The following RASGEF1A variants were observed in gnomAD, a reference collection of about 807,000 sequenced individuals.
The protein encoded by RASGEF1A is ras-GEF domain-containing family member 1A.
A neutral mutation model predicts 56.4 loss-of-function variants in RASGEF1A; 18 were observed. That is an observed-to-expected ratio of 0.32 (90% CI 0.22 to 0.47). The LOEUF (loss-of-function observed/expected upper bound fraction) is 0.47. Among genes scored for constraint, RASGEF1A ranks in the 20% least tolerant of loss-of-function variants. The probability of loss-of-function intolerance (pLI) is 1.00; values close to 1 mark genes in which losing one functional copy is unlikely to be tolerated. For missense variants in RASGEF1A, 422 were observed against 627.1 expected (o/e 0.67, Z 3.49); for synonymous variants, 245 against 242.6 (o/e 1.01, Z -0.09).
In RASGEF1A at chr10:43,263,045, G is replaced by A. The variant is rs765285566; in HGVS notation, c.-7+3800C>T. Among the ~76,000 whole-genome samples, 58 of 152,278 alleles carry A rather than the reference G, an allele frequency of 3.8e-4. 1 individual carries two copies. Among genetic ancestry groups the A allele is most frequent in the South Asian group, 2.5e-3 (12 of 4,822 alleles). On this transcript the variant is annotated intron_variant, in intron 1 of 12. Coordinates refer to ENST00000395810, the MANE Select transcript of RASGEF1A (RefSeq NM_145313.4). ...GTTCAGGGGCGTGATGATGTGCATC[G>A]TCACCCGGGAGGCGTCCAGCAGGCT...
At chr10:43,225,767 A>G (rs1387001006) in intron 1 of RASGEF1A, among the ~76,000 whole-genome samples, 1 of 152,140 alleles carries the variant, frequency 6.6e-6, no homozygotes, top group East Asian at 1.9e-4. Context: ...CTCTAGGAAC[A>G]TGCCAGTCCC....
chr10:43,214,794 A>G (rs1036492594), intron 1 of RASGEF1A, among the ~76,000 whole-genome samples: 1 of 152,160 alleles, frequency 6.6e-6, no homozygotes, highest in Non-Finnish European at 1.5e-5. Flanking sequence ...GCTTTGCTTT[A>G]AGTGTGCATC....
intron 1 of RASGEF1A, among the ~76,000 whole-genome samples, chr10:43,210,219 C>A (rs537823407): frequency 2.6e-5 from 4 of 152,176 alleles, no homozygotes; most frequent in Non-Finnish European, 5.9e-5. Flanking sequence ...TGCCTGTAAT[C>A]CCAGCACTTT....
intron 1 of RASGEF1A, among the ~76,000 whole-genome samples, chr10:43,265,088 C>A (rs542406122): frequency 6.6e-6 from 1 of 152,124 alleles, no homozygotes; most frequent in Non-Finnish European, 1.5e-5. Context: ...CCACTGTGTG[C>A]GTGGCTCTCC....
intron 3 of RASGEF1A, 139 bp downstream of exon 3, chr10:43,203,159 G>T: frequency 3.6e-6 from 1 of 278,574 alleles, no homozygotes; most frequent in Non-Finnish European, 5.9e-6. Flanking sequence ...CACAGTCCCA[G>T]CCAGGCCAAG....
intron 1 of RASGEF1A, among the ~76,000 whole-genome samples, chr10:43,232,174 T>C (rs886741983): frequency 2.0e-5 from 3 of 152,194 alleles, no homozygotes; most frequent in African/African-American, 7.2e-5. Flanking sequence ...ATCCCCAGTG[T>C]TGGAGGTTGG....
rs905964959 is a variant in RASGEF1A at position 43,229,793 on chromosome 10, C to T, written c.-6-23671G>A. 9 of 1,244,858 alleles carry T rather than the reference C, an allele frequency of 7.2e-6. No homozygotes were observed. The South Asian group carries it at 1.6e-4, about 22-fold the overall frequency. 77.1% of individuals were successfully genotyped at this position (1,244,858 alleles called of 1,614,324 possible). ...CGCCTCCGCTGGAGGGGTGGGACCC[C>T]GGAAGCAGGGAACCGAGGGGCTGGG... is the stretch of plus-strand genomic sequence containing the variant. On this transcript the variant is annotated intron_variant, in intron 1 of 12. Transcript: ENST00000395810.
At chr10:43,227,386 G>A (rs1275978957) in intron 1 of RASGEF1A, among the ~76,000 whole-genome samples, 1 of 146,320 alleles carries the variant, frequency 6.8e-6, no homozygotes, top group Non-Finnish European at 1.5e-5. Context: ...TCCTGGCCAG[G>A]CCTGGACCCC....
In RASGEF1A at chr10:43,196,390, G is replaced by T; in HGVS notation, c.1421+86C>A. On this transcript the variant is annotated intron_variant, in intron 12 of 12. Coordinates refer to ENST00000395810, the MANE Select transcript of RASGEF1A (RefSeq NM_145313.4). The surrounding 1 kb of genome is among the most constrained non-coding windows in gnomAD (Gnocchi z 4.6). ...GGACCAGGGACGCGGCAGTGCCCAG[G>T]CTCCCTTTCCAGGAGGGTAACCCTC... The T allele has an allele frequency of 6.4e-7, 1 of 1,551,948 alleles. No individual in the cohort carries two copies.
rs1840312664 is a variant in RASGEF1A, at chr10:43,228,503, T to A, written c.-6-22381A>T. Among the ~76,000 whole-genome samples, 3 of 152,100 alleles carry A rather than the reference T, an allele frequency of 2.0e-5. No homozygotes were observed. The South Asian group carries it at 6.2e-4, about 32-fold the overall frequency. On this transcript the variant is annotated intron_variant, in intron 1 of 12. Coordinates refer to ENST00000395810, the MANE Select transcript of RASGEF1A (RefSeq NM_145313.4). ...GCATTTAAATGCCAGTGCAGGGCCC[T>A]CCCCACTCCCCTACTATGTGACCCC...
intron 1 of RASGEF1A, chr10:43,229,577 A>G (rs1337234358): frequency 7.1e-7 from 1 of 1,399,052 alleles, no homozygotes; most frequent in South Asian, 1.3e-5. Context: ...ACCCCTCCCG[A>G]GCCCGACAGC....
intron 1 of RASGEF1A, among the ~76,000 whole-genome samples, chr10:43,210,320 A>G (rs1006055629): frequency 6.6e-6 from 1 of 152,102 alleles, no homozygotes; most frequent in Non-Finnish European, 1.5e-5. Context: ...ACATTCAAAA[A>G]AAAATTAGCC....
At position 43,258,551 on chromosome 10, in the gene RASGEF1A, G is replaced by A. The variant is rs151301616; in HGVS notation, c.-7+8294C>T. Among the ~76,000 whole-genome samples the A allele has an allele frequency of 1.4e-3, 216 of 152,362 alleles. 1 individual carries two copies. The Middle Eastern group carries it at 0.031, about 22-fold the overall frequency. On this transcript the variant is annotated intron_variant, in intron 1 of 12. Transcript: ENST00000395810. ...GGCAAAGCTGCAGGCCACAGCAGGC[G>A]GCTGGCCCCTTGGGACGAGGAGAGC...
chr10:43,250,211 G>C (rs1244663075), intron 1 of RASGEF1A, among the ~76,000 whole-genome samples: 2 of 152,224 alleles, frequency 1.3e-5, no homozygotes, highest in Non-Finnish European at 2.9e-5. Flanking sequence ...CTATGGAGGA[G>C]CGCTGCCTGG....
intron 1 of RASGEF1A, among the ~76,000 whole-genome samples, chr10:43,256,436 G>A (rs1836406807): frequency 6.6e-6 from 1 of 152,132 alleles, no homozygotes; most frequent in Non-Finnish European, 1.5e-5. Context: ...AGGAACCTCA[G>A]GGAAAGAAAG....
chr10:43,196,989 G>C lies in RASGEF1A; in HGVS notation c.1335C>G (p.Ile445Met). 2 of 1,613,718 alleles carry C rather than the reference G, an allele frequency of 1.2e-6. No individual in the cohort carries two copies. The highest frequency in any genetic ancestry group is 1.7e-6 in the Non-Finnish European group (2 of 1,180,006). The change falls in exon 11 of 13, where the codon ATC becomes ATG. Residue 445 changes from isoleucine to methionine, a missense_variant. Coordinates refer to ENST00000395810, the MANE Select transcript of RASGEF1A (RefSeq NM_145313.4). The surrounding 1 kb of genome is among the most constrained non-coding windows in gnomAD (Gnocchi z 4.6). ...KIQSYLLTAP[I>M]YSEEALFVAS... ...GGCAGCCCTCACCTTCCTCGCTGTA[G>C]ATGGGCGCCGTGAGCAGGTAACTCT...
intron 1 of RASGEF1A, among the ~76,000 whole-genome samples, chr10:43,214,895 C>T (rs562998919): frequency 1.3e-5 from 2 of 152,144 alleles, no homozygotes; most frequent in East Asian, 1.9e-4. Flanking sequence ...CGGAGAGGCC[C>T]GTTTCTCAGA....
chr10:43,197,310 T>C (rs1411629164), intron 10 of RASGEF1A, among the ~76,000 whole-genome samples: 1 of 152,204 alleles, frequency 6.6e-6, no homozygotes, highest in Non-Finnish European at 1.5e-5. Flanking sequence ...CCACTCTGTC[T>C]GGCCCTCCAC....
intron 1 of RASGEF1A, among the ~76,000 whole-genome samples, chr10:43,248,305 G>A (rs1213929986): frequency 2.0e-5 from 3 of 148,616 alleles, no homozygotes; most frequent in East Asian, 2.0e-4. Context: ...GCAGTGAGCC[G>A]AGATGGCACT....
Sources: allele counts gnomAD v4.1 joint callset (sites outside exome capture counted in the v4.1 genomes callset), GRCh38; gene constraint gnomAD v4.1.1; non-coding constraint Gnocchi (gnomAD v3.1); transcripts MANE v1.5; gene names NCBI Gene and HGNC (gene_info 2026-07-23, HGNC 2026-07-21).